The following SCN9A variants were observed in gnomAD, a reference collection of about 807,000 sequenced individuals.
The protein encoded by SCN9A is sodium channel protein type 9 subunit alpha.
A neutral mutation model predicts 187.0 loss-of-function variants in SCN9A; 131 were observed. That is an observed-to-expected ratio of 0.70 (90% CI 0.61 to 0.81). The LOEUF is 0.81. Ranked by LOEUF, SCN9A falls within the 30% of genes least tolerant of loss-of-function variation. The probability of loss-of-function intolerance (pLI) is 0.00; values close to 1 mark genes in which losing one functional copy is unlikely to be tolerated. For missense variants in SCN9A, 2,252 were observed against 2,396.6 expected, an observed-to-expected ratio of 0.94 and a Z score of 1.26; for synonymous variants, 809 against 808.6, an observed-to-expected ratio of 1.00 and a Z score of -0.01.
intron 8 of SCN9A, 88 bp downstream of exon 8, chr2:166,294,511 A>C: frequency 1.2e-6 from 1 of 868,260 alleles, no homozygotes; most frequent in Non-Finnish European, 1.9e-6. Flanking sequence ...AAAGCAATAT[A>C]GAATCAAAGA....
chr2:166,351,913 T>G (rs1376837091), intron 1 of SCN9A, among the ~76,000 whole-genome samples: 6 of 152,178 alleles, frequency 3.9e-5, no homozygotes, highest in African/African-American at 1.4e-4. Context: ...GCAATGATAC[T>G]TGAAAAAATT....
In SCN9A at chr2:166,197,561, G is replaced by C. The variant is rs1693280085; in HGVS notation, c.*1111C>G. ...CTAAACACATATCTGTGTAAAGTCT[G>C]TCATATTACATGATTTGAAAGCTTG... On this transcript the variant is annotated 3_prime_UTR_variant, in exon 27 of 27. Transcript: ENST00000642356. The C allele has an allele frequency of 6.6e-6, 1 of 152,104 alleles. No individual in the cohort carries two copies. The highest frequency in any genetic ancestry group is 1.5e-5 in the Non-Finnish European group (1 of 67,996). The allele number at this position is 152,104 out of a possible 1,614,324, so 9.4% of individuals were successfully genotyped here. A position where few individuals can be genotyped will look rare whatever the true frequency, so the allele number is the denominator to read the frequency against.
At position 166,352,100 on chromosome 2, in the gene SCN9A, G is replaced by A. The variant is rs79061212; in HGVS notation, c.-51+23597C>T. Among the ~76,000 whole-genome samples the A allele has an allele frequency of 4.1e-3, 625 of 152,138 alleles. 17 individuals carry two copies. In the East Asian group the frequency reaches 0.078, roughly 19 times the overall value. Reference sequence around the variant, plus strand: ...CTCAAAAAAAATAAGCCCTAAACCCGTAAAATGGGGAGAAAAAACTATAAA... The same window carrying A: ...CTCAAAAAAAATAAGCCCTAAACCCATAAAATGGGGAGAAAAAACTATAAA... On this transcript the variant is annotated intron_variant, in intron 1 of 26. Transcript: ENST00000642356.
chr2:166,242,375 T>G, intron 19 of SCN9A, 127 bp downstream of exon 19: 1 of 742,474 alleles, frequency 1.3e-6, no homozygotes, highest in Non-Finnish European at 2.0e-6. Context: ...AGTAAAATTT[T>G]GTCATTGGCA....
intron 1 of SCN9A, among the ~76,000 whole-genome samples, chr2:166,316,123 T>C (rs1699101113): frequency 1.3e-5 from 2 of 152,080 alleles, no homozygotes; most frequent in South Asian, 4.1e-4. Context: ...AAAAGTACAA[T>C]ACAAATGACA....
intron 22 of SCN9A, 48 bp downstream of exon 22, chr2:166,228,643 G>C (rs200873030): frequency 7.1e-7 from 1 of 1,417,724 alleles, no homozygotes; most frequent in Non-Finnish European, 9.8e-7. Flanking sequence ...TATATCCTTC[G>C]TCCAATATCT....
chr2:166,277,363 T>A, intron 15 of SCN9A, 24 bp from the exon 16 acceptor site: 1 of 1,468,534 alleles, frequency 6.8e-7, no homozygotes. Flanking sequence ...TAAAGTTTAA[T>A]GTTAATCACT....
At chr2:166,368,044 T>C (rs1700460789) in intron 1 of SCN9A, among the ~76,000 whole-genome samples, 1 of 152,228 alleles carries the variant, frequency 6.6e-6, no homozygotes, top group Non-Finnish European at 1.5e-5. Flanking sequence ...TATATCTGTG[T>C]GGGGTATGTG....
At chr2:166,340,588 TTC>T (rs571826748) in intron 1 of SCN9A, among the ~76,000 whole-genome samples, 126 of 106,518 alleles carry the variant, frequency 1.2e-3, no homozygotes, top group Non-Finnish European at 1.9e-3. Context: ...CTTTCTTTCT[TTC>T]TTTCTTTCTT....
chr2:166,204,492 A>G, intron 24 of SCN9A, 28 bp from the exon 25 acceptor site: 1 of 1,415,602 alleles, frequency 7.1e-7, no homozygotes. Flanking sequence ...AAATAAATGT[A>G]GTTAAAACCA....
At chr2:166,347,257 G>T (rs1376081851) in intron 1 of SCN9A, among the ~76,000 whole-genome samples, 1 of 151,806 alleles carries the variant, frequency 6.6e-6, no homozygotes, top group African/African-American at 2.4e-5. Context: ...TTATTTTTTT[G>T]AGTATTCTGT....
chr2:166,213,746 TAGG>T (rs1198894415), intron 24 of SCN9A, among the ~76,000 whole-genome samples: 2 of 152,090 alleles, frequency 1.3e-5, no homozygotes, highest in East Asian at 1.9e-4. Flanking sequence ...CATTGTGGAA[TAGG>T]AGGTTTATGA....
At chr2:166,203,743 A>C (rs1474734747) in intron 26 of SCN9A, among the ~76,000 whole-genome samples, 1 of 151,920 alleles carries the variant, frequency 6.6e-6, no homozygotes, top group African/African-American at 2.4e-5. Flanking sequence ...ATAGATAGAA[A>C]TATTTGGCTT....
chr2:166,290,380 G>A (rs989762411), intron 9 of SCN9A, among the ~76,000 whole-genome samples: 2 of 152,048 alleles, frequency 1.3e-5, no homozygotes, highest in African/African-American at 2.4e-5. Context: ...ATAAACATAT[G>A]TGTGCATGTG....
intron 1 of SCN9A, among the ~76,000 whole-genome samples, chr2:166,344,227 A>G (rs549124141): frequency 6.6e-6 from 1 of 152,330 alleles, no homozygotes; most frequent in African/African-American, 2.4e-5. Context: ...GGTTAAAAGT[A>G]TATCAAAATA....
chr2:166,271,959 A>G (rs866278922), intron 17 of SCN9A, among the ~76,000 whole-genome samples: 3 of 152,232 alleles, frequency 2.0e-5, no homozygotes, highest in Middle Eastern at 3.4e-3. Context: ...GCATGAGCGA[A>G]AATAATCAAA....
chr2:166,240,235 A>G (rs1020446002), intron 19 of SCN9A, among the ~76,000 whole-genome samples: 19 of 152,212 alleles, frequency 1.2e-4, no homozygotes, highest in Admixed American at 1.1e-3. Flanking sequence ...CTGAAACACA[A>G]TAAGTATAAG....
chr2:166,337,586 T>G (rs1293692819), intron 1 of SCN9A, among the ~76,000 whole-genome samples: 2 of 152,098 alleles, frequency 1.3e-5, no homozygotes, highest in Non-Finnish European at 2.9e-5. Context: ...GGAAGTATTT[T>G]AAAAGTACCT....
intron 1 of SCN9A, among the ~76,000 whole-genome samples, chr2:166,368,859 T>G (rs1181543546): frequency 6.6e-6 from 1 of 151,524 alleles, no homozygotes; most frequent in East Asian, 2.0e-4. Context: ...AGGTGGCTCA[T>G]GCCTGTAATC....
Sources: gnomAD v4.1 joint callset for allele counts (sites outside exome capture counted in the v4.1 genomes callset) on GRCh38, gnomAD v4.1.1 for gene constraint, MANE v1.5 for transcripts, NCBI Gene and HGNC (gene_info 2026-07-23, HGNC 2026-07-21) for gene names.